FCHSD2: variants seen among roughly 807,000 people sequenced by gnomAD.
The protein encoded by FCHSD2 is F-BAR and double SH3 domains protein 2.
In FCHSD2, 38 loss-of-function variants were observed where a neutral mutation model predicts 108.1. The observed-to-expected ratio is 0.35, with a 90% CI of 0.27 to 0.46. The LOEUF (loss-of-function observed/expected upper bound fraction) is 0.46, where lower values mean the gene tolerates loss of function less well. Ranked by LOEUF, FCHSD2 falls within the 20% of genes least tolerant of loss-of-function variation. The pLI is 1.00. For synonymous variants in FCHSD2, 279 were observed against 314.7 expected (o/e 0.89, Z 1.20); for missense variants, 751 against 897.8 (o/e 0.84, Z 2.09).
intron 13 of FCHSD2, among the ~76,000 whole-genome samples, chr11:72,866,461 C>T (rs1399089877): frequency 1.3e-5 from 2 of 151,784 alleles, no homozygotes; most frequent in Admixed American, 6.6e-5. Context: ...GTAGAGACAG[C>T]GTTTCACCAT....
rs572756181 is a variant in FCHSD2 at position 73,104,738 on chromosome 11, T to C, written c.120-20998A>G. On this transcript the variant is annotated intron_variant, in intron 2 of 19. Transcript: ENST00000409418. ...CACGTGCCACCGCACCCGGCTAATT[T>C]TTGTATTTTTAGTAGAGACGGGGTT... is the stretch of plus-strand genomic sequence containing the variant. Among the ~76,000 whole-genome samples the C allele has an allele frequency of 2.6e-5, 4 of 152,004 alleles. No homozygotes were observed. The South Asian group carries it at 8.3e-4, about 32-fold the overall frequency.
chr11:72,867,699 C>T (rs1854759086), intron 13 of FCHSD2, among the ~76,000 whole-genome samples, 166 bp downstream of exon 13: 1 of 152,060 alleles, frequency 6.6e-6, no homozygotes, highest in African/African-American at 2.4e-5. Context: ...TCTTTCACTT[C>T]CCGCAATAAT....
chr11:73,095,581 T>C (rs1860054863), intron 2 of FCHSD2, among the ~76,000 whole-genome samples: 1 of 152,158 alleles, frequency 6.6e-6, no homozygotes, highest in Non-Finnish European at 1.5e-5. Context: ...GGGAATGATA[T>C]GCTATAAGGA....
In FCHSD2 at chr11:72,842,672, T is replaced by G; in HGVS notation, c.1875A>C (p.Glu625Asp). Reference sequence around the variant, plus strand: ...CACCATTTTCTGAGGCTGAAAGTTCTTCCACTAGCACCGATGGGAAAACTC... The same window carrying G: ...CACCATTTTCTGAGGCTGAAAGTTCGTCCACTAGCACCGATGGGAAAACTC... Reference protein sequence around the residue: ...RIGVFPSVLVEELSASENGDT... With the variant: ...RIGVFPSVLVDELSASENGDT... Residue 625 changes from glutamate (E) to aspartate (D), a missense_variant, in exon 17 of 20, where the codon GAA becomes GAC. Transcript: ENST00000409418. 2 of 1,614,060 alleles carry G rather than the reference T, an allele frequency of 1.2e-6. No homozygotes were observed. Among genetic ancestry groups the G allele is most frequent in the Non-Finnish European group, 1.7e-6 (2 of 1,179,898 alleles).
chr11:72,997,934 CT>C (rs1857551380), intron 5 of FCHSD2, among the ~76,000 whole-genome samples: 1 of 152,166 alleles, frequency 6.6e-6, no homozygotes, highest in African/African-American at 2.4e-5. Context: ...CTGAAATGAT[CT>C]TTCCACCTTG....
At chr11:73,091,199 T>C (rs1424424388) in intron 2 of FCHSD2, among the ~76,000 whole-genome samples, 1 of 152,202 alleles carries the variant, frequency 6.6e-6, no homozygotes, top group Non-Finnish European at 1.5e-5. Flanking sequence ...TCCTGAGTAT[T>C]ATGGATAATG....
chr11:73,026,381 C>A (rs1002104491), intron 3 of FCHSD2, among the ~76,000 whole-genome samples: 4 of 152,090 alleles, frequency 2.6e-5, no homozygotes, highest in Non-Finnish European at 5.9e-5. Flanking sequence ...CCACTGGGAG[C>A]AAAATGACTG....
chr11:72,879,999 CAAAAAAAAAAA>C (rs541384964), intron 12 of FCHSD2, among the ~76,000 whole-genome samples: 1 of 63,178 alleles, frequency 1.6e-5, no homozygotes, highest in Non-Finnish European at 3.0e-5. Context: ...AATTCTGTCT[CAAAAAAAAAAA>C]AAAAAAAAAA....
chr11:73,137,929 G>A (rs1422817021), intron 2 of FCHSD2, among the ~76,000 whole-genome samples: 1 of 152,196 alleles, frequency 6.6e-6, no homozygotes. Flanking sequence ...TTATCCAGAA[G>A]GCCACAGAGG....
At chr11:73,073,390 T>C (rs1859477365) in intron 3 of FCHSD2, among the ~76,000 whole-genome samples, 2 of 152,250 alleles carry the variant, frequency 1.3e-5, no homozygotes, top group African/African-American at 4.8e-5. Context: ...ACCAAGCAAC[T>C]TGAAAAAGTT....
intron 2 of FCHSD2, among the ~76,000 whole-genome samples, chr11:73,101,715 GTGTGAGCCACTGCA>G (rs1860230617): frequency 6.6e-6 from 1 of 151,850 alleles, no homozygotes; most frequent in African/African-American, 2.4e-5. Context: ...GGGATTATAG[GTGTGAGCCACTGCA>G]CCCCCCGCCC....
intron 2 of FCHSD2, among the ~76,000 whole-genome samples, chr11:73,139,424 T>C (rs903600928): frequency 1.3e-5 from 2 of 152,266 alleles, no homozygotes; most frequent in African/African-American, 2.4e-5. Flanking sequence ...TTTCTTTCAT[T>C]AAAATAAGTC....
At chr11:73,088,945 A>AC (rs1438570919) in intron 2 of FCHSD2, among the ~76,000 whole-genome samples, 1 of 152,226 alleles carries the variant, frequency 6.6e-6, no homozygotes, top group African/African-American at 2.4e-5. Flanking sequence ...CGTGAAGTCC[A>AC]CAAGAAAAAG....
intron 8 of FCHSD2, among the ~76,000 whole-genome samples, chr11:72,927,142 C>T (rs552726736): frequency 5.0e-4 from 76 of 152,278 alleles, no homozygotes; most frequent in African/African-American, 1.7e-3. Context: ...ACCCTGTAAG[C>T]CTTTAAGGGT....
intron 8 of FCHSD2, among the ~76,000 whole-genome samples, chr11:72,966,223 G>A (rs1351970441): frequency 6.6e-6 from 1 of 151,742 alleles, no homozygotes; most frequent in Admixed American, 6.6e-5. Context: ...GCAGTGGTGC[G>A]ATGTCGGCTC....
chr11:72,935,721 A>G (rs747005831), intron 8 of FCHSD2, among the ~76,000 whole-genome samples: 17 of 152,262 alleles, frequency 1.1e-4, no homozygotes, highest in Admixed American at 2.0e-4. Flanking sequence ...ATAAAGTAAA[A>G]TCAGAAACAT....
In FCHSD2 at chr11:73,142,089, G is replaced by T; in HGVS notation, c.-212C>A. ...TGTGAGGAGACGAGGGAGGAGCACC[G>T]GGAAGGCTTGGGGCCCGGGCGGCCC... On this transcript the variant is annotated 5_prime_UTR_variant, in exon 1 of 20. Coordinates refer to ENST00000409418, the MANE Select transcript of FCHSD2 (RefSeq NM_014824.3). 2.0e-6 allele frequency: 1 copy of T among 498,398 alleles called. No homozygotes were observed. Among genetic ancestry groups the T allele is most frequent in the Non-Finnish European group, 3.5e-6 (1 of 283,170 alleles). The allele number at this position is 498,398 out of a possible 1,614,324, so 30.9% of individuals were successfully genotyped here.
chr11:72,970,095 G>C (rs1413604408), intron 8 of FCHSD2, among the ~76,000 whole-genome samples: 2 of 152,246 alleles, frequency 1.3e-5, no homozygotes, highest in Non-Finnish European at 2.9e-5. Flanking sequence ...GTTTCAAAGT[G>C]GTTTGAAAAA....
At chr11:72,935,748 T>C (rs912532313) in intron 8 of FCHSD2, among the ~76,000 whole-genome samples, 1 of 152,270 alleles carries the variant, frequency 6.6e-6, no homozygotes, top group African/African-American at 2.4e-5. Context: ...TAATTTTTTA[T>C]GTGGTTGTTT....
Sources: gnomAD v4.1 joint callset for allele counts (sites outside exome capture counted in the v4.1 genomes callset) on GRCh38, gnomAD v4.1.1 for gene constraint, MANE v1.5 for transcripts, NCBI Gene and HGNC (gene_info 2026-07-23, HGNC 2026-07-21) for gene names.